Variants in PDLIM5 observed in about 807,000 individuals in gnomAD.
The protein encoded by PDLIM5 is PDZ and LIM domain protein 5.
In PDLIM5, 34 loss-of-function variants were observed where a neutral mutation model predicts 64.2. The observed-to-expected ratio is 0.53, with a 90% CI of 0.40 to 0.71. The LOEUF (loss-of-function observed/expected upper bound fraction) is 0.71, where lower values mean the gene tolerates loss of function less well. PDLIM5 is among the 30% of genes least tolerant of loss of function. PDLIM5 has a pLI of 0.00. For missense variants in PDLIM5, 683 were observed against 733.6 expected (o/e 0.93, Z 0.80); for synonymous variants, 253 against 269.1 (o/e 0.94, Z 0.59).
Position 94,474,313 on chromosome 4 carries a change from C to T in PDLIM5, c.96+18929C>T, listed in dbSNP as rs146051823. On this transcript the variant is annotated intron_variant, in intron 2 of 12. Coordinates refer to ENST00000317968, the MANE Select transcript of PDLIM5 (RefSeq NM_006457.5). ...TCGCCCAGGGTGGAGTGCAGTGGTG[C>T]GATCATGGCTCCGTGCTACCTCCGC... Among the ~76,000 whole-genome samples the T allele has an allele frequency of 6.8e-3, 1,034 of 152,142 alleles. 4 individuals are homozygous for T. Among genetic ancestry groups the T allele is most frequent in the Non-Finnish European group, 0.011 (740 of 67,996 alleles).
chr4:94,488,543 A>G (rs1226927985), intron 2 of PDLIM5, among the ~76,000 whole-genome samples: 1 of 152,162 alleles, frequency 6.6e-6, no homozygotes, highest in East Asian at 1.9e-4. Context: ...TCTAAACCAT[A>G]CCTTTGTGTT....
In PDLIM5 at chr4:94,663,994, T is replaced by C. The variant is rs377023412; in HGVS notation, c.1718T>C (p.Leu573Ser). Residue 573 changes from leucine (L) to serine (S), a missense_variant, in exon 13 of 13, where the codon TTG (leucine) becomes TCG (serine). Physicochemically the swap from Leu to Ser is moderately radical, Grantham distance 145. Transcript: ENST00000317968. Reference sequence around the variant, plus strand: ...CTTTTTCAGGTGTGTTGTGAAAGTTTGGAAGGTCAGACCTTTTTCTCCAAG... The same window carrying C: ...CTTTTTCAGGTGTGTTGTGAAAGTTCGGAAGGTCAGACCTTTTTCTCCAAG... ...CFVCSVCCES[L>S]EGQTFFSKKD... The C allele has an allele frequency of 2.0e-5, 32 of 1,604,942 alleles. No homozygotes were observed. Among genetic ancestry groups the C allele is most frequent in the Non-Finnish European group, 2.7e-5 (32 of 1,173,296 alleles).
At position 94,489,306 on chromosome 4, in the gene PDLIM5, A is replaced by G. The variant is rs566931471; in HGVS notation, c.96+33922A>G. Among the ~76,000 whole-genome samples the G allele has an allele frequency of 3.3e-5, 5 of 152,244 alleles. No homozygotes were observed. The South Asian group carries it at 1.0e-3, about 32-fold the overall frequency. On this transcript the variant is annotated intron_variant, in intron 2 of 12. Coordinates refer to ENST00000317968, the MANE Select transcript of PDLIM5 (RefSeq NM_006457.5). ...ACTTTACAGGGTGTGGGAATGCTTG[A>G]TGAATTATCTTAGGTTACACAACAT... is the stretch of plus-strand genomic sequence containing the variant.
intron 2 of PDLIM5, among the ~76,000 whole-genome samples, chr4:94,500,187 T>G (rs1727787549): frequency 1.3e-5 from 2 of 152,194 alleles, no homozygotes; most frequent in African/African-American, 4.8e-5. Context: ...TAGTAGAGAA[T>G]CTAGAAGTGG....
At chr4:94,461,646 C>G (rs1723891051) in intron 2 of PDLIM5, among the ~76,000 whole-genome samples, 1 of 151,992 alleles carries the variant, frequency 6.6e-6, no homozygotes, top group Non-Finnish European at 1.5e-5. Context: ...ATCTACCCTT[C>G]TGTAAATACT....
At chr4:94,551,395 ATAAAT>A (rs1468911176) in intron 3 of PDLIM5, among the ~76,000 whole-genome samples, 1 of 152,156 alleles carries the variant, frequency 6.6e-6, no homozygotes, top group East Asian at 1.9e-4. Flanking sequence ...CTGGACCTTA[ATAAAT>A]TTATAAGTTT....
At position 94,514,252 on chromosome 4, in the gene PDLIM5, A is replaced by G. The variant is rs1003734906; in HGVS notation, c.97-9472A>G. ...TGGGTTCATGCCATTCTCCTCTCTCAGCCTCCCAAGTAGCTGGGACTACAG... is the reference window on the plus strand; with the variant it reads ...TGGGTTCATGCCATTCTCCTCTCTCGGCCTCCCAAGTAGCTGGGACTACAG... On this transcript the variant is annotated intron_variant, in intron 2 of 12. Coordinates refer to ENST00000317968, the MANE Select transcript of PDLIM5 (RefSeq NM_006457.5). Among the ~76,000 whole-genome samples the G allele has an allele frequency of 1.2e-4, 18 of 149,224 alleles. No individual in the cohort carries two copies. The Admixed American group carries it at 1.2e-3, about 10-fold the overall frequency.
intron 3 of PDLIM5, among the ~76,000 whole-genome samples, chr4:94,553,966 C>T (rs1406217826): frequency 6.6e-6 from 1 of 152,096 alleles, no homozygotes; most frequent in African/African-American, 2.4e-5. Flanking sequence ...TTACACTGTT[C>T]CAGTGTTATC....
At chr4:94,512,150 A>C (rs1303042295) in intron 2 of PDLIM5, among the ~76,000 whole-genome samples, 1 of 151,810 alleles carries the variant, frequency 6.6e-6, no homozygotes, top group African/African-American at 2.4e-5. Context: ...CCTCCTGAGT[A>C]GCTGGGACTA....
rs113587315 is a variant in PDLIM5 at position 94,526,737 on chromosome 4, TC to T, written c.248+2863del. Among the ~76,000 whole-genome samples the T allele has an allele frequency of 4.8e-4, 72 of 150,120 alleles. 4 individuals carry two copies. Among genetic ancestry groups the T allele is most frequent in the Non-Finnish European group, 4.8e-4 (32 of 67,354 alleles). Reference sequence around the variant, plus strand: ...CAAGTTTGAACAGCATTTCTTTCTTTCTTTTTTTTTTTGAGACTGAATCTCG... The same window carrying T: ...CAAGTTTGAACAGCATTTCTTTCTTTTTTTTTTTTTTGAGACTGAATCTCG... On this transcript the variant is annotated intron_variant, in intron 3 of 12. Transcript: ENST00000317968.
intron 2 of PDLIM5, among the ~76,000 whole-genome samples, chr4:94,508,586 A>T (rs1728600216): frequency 6.6e-6 from 1 of 152,188 alleles, no homozygotes. Context: ...CTTAGTAGAA[A>T]ATGCACTGAT....
At chr4:94,576,104 C>T (rs1735228798) in intron 5 of PDLIM5, 70 bp downstream of exon 5, 2 of 1,351,234 alleles carry the variant, frequency 1.5e-6, no homozygotes, top group African/African-American at 1.4e-5. Context: ...AAATACTCTA[C>T]ATTCCTCTCC....
chr4:94,473,396 G>T (rs1454100406), intron 2 of PDLIM5, among the ~76,000 whole-genome samples: 1 of 152,100 alleles, frequency 6.6e-6, no homozygotes, highest in Non-Finnish European at 1.5e-5. Context: ...CAAGTAGCTG[G>T]GATTAAAGGT....
At chr4:94,559,671 A>G (rs1467722488) in intron 3 of PDLIM5, among the ~76,000 whole-genome samples, 3 of 152,172 alleles carry the variant, frequency 2.0e-5, no homozygotes, top group African/African-American at 7.2e-5. Context: ...TGCAAGTTCA[A>G]TTTTCCTCAA....
intron 5 of PDLIM5, among the ~76,000 whole-genome samples, chr4:94,577,040 A>G (rs988844117): frequency 2.0e-5 from 3 of 152,212 alleles, no homozygotes; most frequent in Non-Finnish European, 4.4e-5. Context: ...AAAAGTAAAG[A>G]AAAGAGAGAG....
intron 3 of PDLIM5, among the ~76,000 whole-genome samples, chr4:94,536,161 A>G (rs1228711919): frequency 6.6e-6 from 1 of 152,114 alleles, no homozygotes; most frequent in Non-Finnish European, 1.5e-5. Flanking sequence ...ATCTGGAGGT[A>G]GAGACAGGGA....
intron 3 of PDLIM5, among the ~76,000 whole-genome samples, chr4:94,533,975 C>T (rs558611154): frequency 2.0e-5 from 3 of 152,100 alleles, no homozygotes; most frequent in Non-Finnish European, 2.9e-5. Context: ...AAAGCTTTTT[C>T]GAAGAGTATA....
chr4:94,532,184 C>T (rs1029902212), intron 3 of PDLIM5, among the ~76,000 whole-genome samples: 1 of 152,170 alleles, frequency 6.6e-6, no homozygotes, highest in African/African-American at 2.4e-5. Flanking sequence ...ACAACTACTA[C>T]TTGAGATCAT....
At chr4:94,500,354 G>A (rs535027787) in intron 2 of PDLIM5, among the ~76,000 whole-genome samples, 35 of 152,180 alleles carry the variant, frequency 2.3e-4, no homozygotes, top group African/African-American at 7.7e-4. Context: ...TAATATTTGT[G>A]AATTCCTTCA....
Sources: allele counts gnomAD v4.1 joint callset (sites outside exome capture counted in the v4.1 genomes callset), GRCh38; gene constraint gnomAD v4.1.1; transcripts MANE v1.5; gene names NCBI Gene and HGNC (gene_info 2026-07-23, HGNC 2026-07-21).